NCOA3: variants seen among roughly 807,000 people sequenced by gnomAD.
NCOA3 encodes nuclear receptor coactivator 3.
NCOA3 carries 51 observed loss-of-function variants against 158.8 expected under a neutral mutation model. The observed-to-expected ratio is 0.32, with a 90% CI of 0.26 to 0.41. The LOEUF is 0.41. NCOA3 is among the 10% of genes least tolerant of loss of function. NCOA3 has a pLI of 1.00. For missense variants in NCOA3, 1,510 were observed against 1,746.6 expected (o/e 0.86, Z 2.41); for synonymous variants, 537 against 592.4 (o/e 0.91, Z 1.36).
intron 2 of NCOA3, among the ~76,000 whole-genome samples, chr20:47,598,134 C>A (rs1394243063): frequency 6.7e-6 from 1 of 149,220 alleles, no homozygotes; most frequent in Non-Finnish European, 1.5e-5. Context: ...GTAGTCCCAG[C>A]TACTCTGGAG....
intron 1 of NCOA3, among the ~76,000 whole-genome samples, chr20:47,536,130 A>G (rs111690710): frequency 1.4e-4 from 21 of 152,256 alleles, no homozygotes; most frequent in Admixed American, 2.6e-4. Context: ...TTGGGTGCGT[A>G]AACAGAAATG....
At position 47,534,385 on chromosome 20, in the gene NCOA3, C is replaced by T. The variant is rs371794670; in HGVS notation, c.-99+32366C>T. Among the ~76,000 whole-genome samples, 23 of 152,214 alleles carry T rather than the reference C, an allele frequency of 1.5e-4. No homozygotes were observed. The East Asian group carries it at 2.3e-3, about 15-fold the overall frequency. On this transcript the variant is annotated intron_variant, in intron 1 of 22. Transcript: ENST00000371998. The stretch of plus-strand genomic sequence containing the variant: ...CCAACTTGGTACTTGGTACCCACCA[C>T]AAGATGCTATATATAACAAGTGTTT...
intron 1 of NCOA3, among the ~76,000 whole-genome samples, chr20:47,562,132 C>G (rs965781504): frequency 2.7e-4 from 41 of 152,120 alleles, no homozygotes; most frequent in Non-Finnish European, 7.4e-5. Flanking sequence ...ATTCCATGTG[C>G]CACAATTTAT....
At chr20:47,632,034 A>G (rs1266220121) in intron 8 of NCOA3, among the ~76,000 whole-genome samples, 1 of 152,204 alleles carries the variant, frequency 6.6e-6, no homozygotes, top group Non-Finnish European at 1.5e-5. Flanking sequence ...TTACAAGGTT[A>G]AGGGTTCAGT....
intron 17 of NCOA3, among the ~76,000 whole-genome samples, chr20:47,644,736 C>T (rs974881754): frequency 1.3e-5 from 2 of 152,106 alleles, no homozygotes; most frequent in Non-Finnish European, 2.9e-5. Context: ...CTCTCCCTAT[C>T]GCCCAGGCTG....
chr20:47,636,400 A>G lies in NCOA3; in HGVS notation c.2014A>G (p.Asn672Asp), dbSNP rs756426646. Residue 672 changes from asparagine (N) to aspartate (D), a missense_variant, in exon 12 of 23, where the codon AAT becomes GAT. Around this residue, in one of 4 missense-constraint regions of NCOA3, gnomAD observed 1,017 missense variants for 1,098.3 expected, o/e 0.93. Coordinates refer to ENST00000371998, the MANE Select transcript of NCOA3 (RefSeq NM_181659.3). ...ATCTGGAGGAGTATCCTCTACATCC[A>G]ATATGCATGGGTCACTGTTACAAGA... is the stretch of plus-strand genomic sequence containing the variant. ...STSGGVSSTS[N>D]MHGSLLQEKH... The G allele has an allele frequency of 6.2e-7, 1 of 1,614,090 alleles. No homozygotes were observed. The highest frequency in any genetic ancestry group is 1.1e-5 in the South Asian group (1 of 91,078).
rs2083939462 is a variant in NCOA3 at position 47,501,988 on chromosome 20, A to C, written c.-130A>C. The C allele has an allele frequency of 2.5e-6, 1 of 399,340 alleles. No homozygotes were observed. The highest frequency in any genetic ancestry group is 2.1e-5 in the African/African-American group (1 of 48,520). 24.7% of individuals were successfully genotyped at this position (399,340 alleles called of 1,614,324 possible). A position where few individuals can be genotyped will look rare whatever the true frequency, so the allele number is the denominator to read the frequency against. On this transcript the variant is annotated 5_prime_UTR_variant, in exon 1 of 23. Coordinates refer to ENST00000371998, the MANE Select transcript of NCOA3 (RefSeq NM_181659.3). The stretch of plus-strand genomic sequence containing the variant: ...GGCTGAGCGGCGAGTTTCCGATTTA[A>C]AGCTGAGCTGCGAGGAAAATGGCGG...
At chr20:47,626,889 A>G in intron 5 of NCOA3, 113 bp from the exon 6 acceptor site, 3 of 910,960 alleles carry the variant, frequency 3.3e-6, no homozygotes, top group Non-Finnish European at 4.9e-6. Context: ...ACCTCCTTGA[A>G]GGTCTTGTTT....
chr20:47,518,834 A>G (rs995966623), intron 1 of NCOA3, among the ~76,000 whole-genome samples: 6 of 152,128 alleles, frequency 3.9e-5, no homozygotes, highest in Non-Finnish European at 7.4e-5. Flanking sequence ...CACACGAACA[A>G]TTAAGATTCA....
intron 1 of NCOA3, among the ~76,000 whole-genome samples, chr20:47,578,311 G>A (rs1201750112): frequency 6.6e-6 from 1 of 151,714 alleles, no homozygotes. Context: ...TCGGCCTCCC[G>A]AGTAGCTGGA....
chr20:47,543,943 G>A (rs2084785246), intron 1 of NCOA3, among the ~76,000 whole-genome samples: 1 of 151,982 alleles, frequency 6.6e-6, no homozygotes, highest in African/African-American at 2.4e-5. Context: ...TTCTCCTGTG[G>A]TAAAAAACAT....
intron 2 of NCOA3, among the ~76,000 whole-genome samples, chr20:47,609,748 T>C (rs17788609): frequency 0.068 from 10,287 of 151,902 alleles, 453 homozygotes; most frequent in Non-Finnish European, 0.097. Context: ...AAAAAAGTTA[T>C]GGATCATGAA....
chr20:47,653,711 A>G lies in NCOA3; in HGVS notation c.*294A>G, dbSNP rs1298826363. Reference sequence around the variant, plus strand: ...ATTCTGGAGACATGGAGTGTTACTGATCATAAAACTTTTGTGTCACTTTTT... The same window carrying G: ...ATTCTGGAGACATGGAGTGTTACTGGTCATAAAACTTTTGTGTCACTTTTT... On this transcript the variant is annotated 3_prime_UTR_variant, in exon 23 of 23. Coordinates refer to ENST00000371998, the MANE Select transcript of NCOA3 (RefSeq NM_181659.3). The G allele has an allele frequency of 7.4e-6, 3 of 405,402 alleles. No homozygotes were observed. Among genetic ancestry groups the G allele is most frequent in the Non-Finnish European group, 1.3e-5 (3 of 229,464 alleles). The allele number at this position is 405,402 out of a possible 1,614,324, so 25.1% of individuals were successfully genotyped here. A position where few individuals can be genotyped will look rare whatever the true frequency, so the allele number is the denominator to read the frequency against.
intron 2 of NCOA3, among the ~76,000 whole-genome samples, chr20:47,616,039 T>A (rs1009485516): frequency 3.3e-5 from 5 of 151,524 alleles, no homozygotes; most frequent in African/African-American, 1.2e-4. Context: ...GCGCCTGTAG[T>A]CCCAGCTACT....
At chr20:47,589,675 G>T (rs891530219) in intron 2 of NCOA3, among the ~76,000 whole-genome samples, 2 of 152,064 alleles carry the variant, frequency 1.3e-5, no homozygotes, top group African/African-American at 4.8e-5. Context: ...GCACCTGGCT[G>T]ACTTGAACTT....
At chr20:47,641,380 T>G (rs531916308) in intron 16 of NCOA3, among the ~76,000 whole-genome samples, 1 of 142,828 alleles carries the variant, frequency 7.0e-6, no homozygotes, top group South Asian at 2.2e-4. Flanking sequence ...CAGGCTGGAG[T>G]GCAGTGGTGC....
intron 1 of NCOA3, among the ~76,000 whole-genome samples, chr20:47,532,110 T>TGTGTGTG (rs2084556564): frequency 6.8e-6 from 1 of 147,402 alleles, no homozygotes; most frequent in Admixed American, 6.8e-5. Context: ...AGGGGGGGAC[T>TGTGTGTG]TGTGTGTGTG....
chr20:47,648,781 C>CT (rs34490687), intron 18 of NCOA3, among the ~76,000 whole-genome samples: 1 of 152,074 alleles, frequency 6.6e-6, no homozygotes, highest in Admixed American at 6.6e-5. Context: ...TTGCACTTTA[C>CT]TTTTTTTTCC....
chr20:47,647,351 G>A lies in NCOA3; in HGVS notation c.3531G>A (p.Arg1177=), dbSNP rs769178709. ...AACTTAGAATGCAGCTTCAGCAGAG[G>A]CTGCAGGGCCAGCAGGTAACCAGTC... is the stretch of plus-strand genomic sequence containing the variant. ...PKQLRMQLQQ[R]LQGQQFLNQS... The change falls in exon 18 of 23, where the codon AGG becomes AGA. Residue 1177 remains arginine, a synonymous_variant. Transcript: ENST00000371998. 10 of 1,613,904 alleles carry A rather than the reference G, an allele frequency of 6.2e-6. No homozygotes were observed. In the African/African-American group the frequency reaches 1.3e-4, roughly 22 times the overall value.
Sources: gnomAD v4.1 joint callset for allele counts (sites outside exome capture counted in the v4.1 genomes callset) on GRCh38, gnomAD v4.1.1 for gene constraint, gnomAD v4.1.1 regional missense constraint, MANE v1.5 for transcripts, NCBI Gene and HGNC (gene_info 2026-07-23, HGNC 2026-07-21) for gene names.